The following LDLRAD4 variants were observed in gnomAD, a reference collection of about 807,000 sequenced individuals.
The protein encoded by LDLRAD4 is low-density lipoprotein receptor class A domain-containing protein 4.
Under a neutral mutation model 17.0 loss-of-function variants are expected in LDLRAD4, and 5 were observed. That is an observed-to-expected ratio of 0.29 (90% CI 0.15 to 0.62). The LOEUF (loss-of-function observed/expected upper bound fraction) is 0.62. Ranked by LOEUF, LDLRAD4 falls within the 20% of genes least tolerant of loss-of-function variation. The pLI is 0.84. For synonymous variants in LDLRAD4, 168 were observed against 171.8 expected, an observed-to-expected ratio of 0.98 and a Z score of 0.17; for missense variants, 340 against 424.7, an observed-to-expected ratio of 0.80 and a Z score of 1.75.
intron 1 of LDLRAD4, among the ~76,000 whole-genome samples, chr18:13,340,311 T>C (rs975077879): frequency 6.6e-6 from 1 of 152,186 alleles, no homozygotes; most frequent in Admixed American, 6.5e-5. Flanking sequence ...GGACATATCG[T>C]AATTCTATAT....
chr18:13,255,085 C>G (rs544493798), intron 1 of LDLRAD4, among the ~76,000 whole-genome samples: 100 of 152,332 alleles, frequency 6.6e-4, no homozygotes, highest in African/African-American at 2.3e-3. Context: ...TGATTGAACC[C>G]GTGAGGGCTC....
chr18:13,412,528 G>A (rs1285958708), intron 2 of LDLRAD4, among the ~76,000 whole-genome samples: 1 of 152,134 alleles, frequency 6.6e-6, no homozygotes, highest in African/African-American at 2.4e-5. Context: ...CCATTCATAT[G>A]ATATTGATCA....
At chr18:13,379,499 A>G (rs1337573839) in intron 1 of LDLRAD4, among the ~76,000 whole-genome samples, 1 of 152,244 alleles carries the variant, frequency 6.6e-6, no homozygotes, top group African/African-American at 2.4e-5. Flanking sequence ...ACACCTGCAG[A>G]GGCAGACGAG....
intron 4 of LDLRAD4, chr18:13,642,299 G>A: frequency 1.0e-6 from 1 of 991,174 alleles, no homozygotes; most frequent in Non-Finnish European, 1.2e-6. Context: ...CCCCAAACGC[G>A]GGCCCCTACA....
At chr18:13,415,657 A>G (rs2088818634) in intron 2 of LDLRAD4, among the ~76,000 whole-genome samples, 1 of 152,202 alleles carries the variant, frequency 6.6e-6, no homozygotes, top group Non-Finnish European at 1.5e-5. Context: ...CCAGGTTACT[A>G]GAGAGGCAAA....
intron 1 of LDLRAD4, among the ~76,000 whole-genome samples, chr18:13,299,922 G>A (rs919402047): frequency 3.3e-5 from 5 of 152,186 alleles, no homozygotes; most frequent in African/African-American, 7.2e-5. Flanking sequence ...CATTGGTGGT[G>A]GTGGGTGTTT....
chr18:13,370,762 G>A (rs1444444630), intron 1 of LDLRAD4, among the ~76,000 whole-genome samples: 1 of 105,128 alleles, frequency 9.5e-6, no homozygotes, highest in Non-Finnish European at 1.9e-5. Flanking sequence ...TTAGACTGGA[G>A]TGCAGTGGTG....
rs571162151 is a variant in LDLRAD4 at position 13,338,116 on chromosome 18, C to T, written c.-382-49225C>T. ...TCCCTTCTCCTTACTGCTGTGACCC[C>T]GAAGGGAGAAATGTATATAGGTAGA... On this transcript the variant is annotated intron_variant, in intron 1 of 5. Transcript: ENST00000359446. Among the ~76,000 whole-genome samples the T allele has an allele frequency of 6.9e-4, 105 of 152,196 alleles. 1 individual carries two copies. In the South Asian group the frequency reaches 0.019, roughly 27 times the overall value.
intron 3 of LDLRAD4, among the ~76,000 whole-genome samples, chr18:13,450,394 A>G (rs2091754459): frequency 6.8e-6 from 1 of 148,066 alleles, no homozygotes. Flanking sequence ...TGAAGGAGAA[A>G]TAGTTGTTGA....
intron 1 of LDLRAD4, among the ~76,000 whole-genome samples, chr18:13,272,348 G>A (rs1487785420): frequency 1.3e-5 from 2 of 152,366 alleles, no homozygotes; most frequent in East Asian, 1.9e-4. Flanking sequence ...AGCAATGGCC[G>A]GAGTTGGTGC....
chr18:13,530,572 CTG>C (rs2094111749), intron 3 of LDLRAD4, among the ~76,000 whole-genome samples: 1 of 152,268 alleles, frequency 6.6e-6, no homozygotes, highest in Admixed American at 6.5e-5. Flanking sequence ...CAAGGATAAT[CTG>C]TCTCCCAGCA....
chr18:13,409,622 T>C (rs534027593), intron 2 of LDLRAD4, among the ~76,000 whole-genome samples: 5 of 152,234 alleles, frequency 3.3e-5, no homozygotes, highest in Non-Finnish European at 5.9e-5. Context: ...AGCATGAACA[T>C]TCTCTAAACT....
chr18:13,553,950 T>A (rs2094459776), intron 3 of LDLRAD4, among the ~76,000 whole-genome samples: 1 of 152,216 alleles, frequency 6.6e-6, no homozygotes, highest in African/African-American at 2.4e-5. Context: ...GACCTCCCCA[T>A]CCAAGGCTCT....
At chr18:13,369,804 G>A (rs2084325516) in intron 1 of LDLRAD4, among the ~76,000 whole-genome samples, 1 of 152,156 alleles carries the variant, frequency 6.6e-6, no homozygotes, top group African/African-American at 2.4e-5. Context: ...CAGGCGTCTG[G>A]TAATAAACTC....
At chr18:13,256,273 C>T (rs898632076) in intron 1 of LDLRAD4, among the ~76,000 whole-genome samples, 22 of 152,244 alleles carry the variant, frequency 1.4e-4, no homozygotes, top group African/African-American at 5.1e-4. Flanking sequence ...ATCCTCCTGC[C>T]ATTTGAGGTG....
chr18:13,610,608 AACAG>A (rs1397170340), intron 3 of LDLRAD4, among the ~76,000 whole-genome samples: 9 of 152,076 alleles, frequency 5.9e-5, no homozygotes, highest in Non-Finnish European at 1.2e-4. Flanking sequence ...AATTTTAAGA[AACAG>A]ACAGGTACAG....
intron 3 of LDLRAD4, among the ~76,000 whole-genome samples, chr18:13,558,502 G>A (rs1568338145): frequency 6.6e-6 from 1 of 152,238 alleles, no homozygotes; most frequent in Non-Finnish European, 1.5e-5. Flanking sequence ...AGCAGTAATA[G>A]AGGAAGAGCT....
intron 2 of LDLRAD4, among the ~76,000 whole-genome samples, chr18:13,388,205 C>A (rs2085972453): frequency 6.6e-6 from 1 of 152,196 alleles, no homozygotes; most frequent in East Asian, 1.9e-4. Context: ...GTGCTTGGGG[C>A]AACTGGGCAG....
chr18:13,560,972 C>T (rs916549742), intron 3 of LDLRAD4, among the ~76,000 whole-genome samples: 1 of 152,184 alleles, frequency 6.6e-6, no homozygotes, highest in Non-Finnish European at 1.5e-5. Context: ...CCAGGAGCCT[C>T]GTTCTGATTT....
Sources: gnomAD v4.1 joint callset for allele counts (sites outside exome capture counted in the v4.1 genomes callset) on GRCh38, gnomAD v4.1.1 for gene constraint, MANE v1.5 for transcripts, NCBI Gene and HGNC (gene_info 2026-07-23, HGNC 2026-07-21) for gene names.